The following ZNG1B variants were observed in gnomAD, a reference collection of about 807,000 sequenced individuals.
ZNG1B encodes the protein zinc-regulated GTPase metalloprotein activator 1B.
chr2:113,462,693 A>G, the ZNG1B span: 9 of 626,368 alleles, frequency 1.4e-5, no homozygotes, highest in Non-Finnish European at 2.2e-5. Flanking sequence ...TGCTTGCAGA[A>G]TATAGTTCAC....
the ZNG1B span, among the ~76,000 whole-genome samples, chr2:113,475,850 A>G: frequency 4.6e-5 from 7 of 152,170 alleles, no homozygotes; most frequent in Non-Finnish European, 8.8e-5. Flanking sequence ...AGTTTCTGCC[A>G]AGAGATCCGC....
chr2:113,488,947 G>T, the ZNG1B span, among the ~76,000 whole-genome samples: 1 of 147,440 alleles, frequency 6.8e-6, no homozygotes, highest in African/African-American at 2.5e-5. Flanking sequence ...ACATATTTGG[G>T]GGAATAATTG....
chr2:113,462,435 C>T, the ZNG1B span: 7 of 1,599,006 alleles, frequency 4.4e-6, no homozygotes, highest in Middle Eastern at 3.3e-4. Flanking sequence ...ATGCCATTCT[C>T]ATTAATAAAA....
chr2:113,495,392 G>A, the ZNG1B span: 10 of 868,998 alleles, frequency 1.2e-5, 1 homozygote, highest in Admixed American at 1.4e-4. Flanking sequence ...TCTTTATCAC[G>A]TTACAACGTT....
the ZNG1B span, among the ~76,000 whole-genome samples, chr2:113,451,990 C>A: frequency 2.6e-5 from 4 of 151,794 alleles, no homozygotes; most frequent in African/African-American, 9.7e-5. Context: ...TAATTAAAAT[C>A]ATGTTTTAGC....
the ZNG1B span, among the ~76,000 whole-genome samples, chr2:113,478,644 G>GTT: frequency 1.8e-4 from 26 of 143,424 alleles, no homozygotes; most frequent in East Asian, 9.9e-4. Flanking sequence ...CTTTCAACTA[G>GTT]TTTTTTTTTT....
chr2:113,465,448 G>A, the ZNG1B span, among the ~76,000 whole-genome samples: 1 of 151,920 alleles, frequency 6.6e-6, no homozygotes, highest in Non-Finnish European at 1.5e-5. Flanking sequence ...CCAAACACTC[G>A]AGAGGGTAAC....
At chr2:113,474,107 T>C in the ZNG1B span, among the ~76,000 whole-genome samples, 93 of 151,994 alleles carry the variant, frequency 6.1e-4, no homozygotes, top group Middle Eastern at 3.4e-3. Flanking sequence ...GCTGTGAATC[T>C]ATCTGGTCCT....
At chr2:113,487,698 T>G in the ZNG1B span, among the ~76,000 whole-genome samples, 2 of 144,858 alleles carry the variant, frequency 1.4e-5, no homozygotes, top group South Asian at 2.1e-4. Flanking sequence ...TGTTGTAGTA[T>G]ATGACGGGAT....
chr2:113,441,232 C>T, the ZNG1B span: 9 of 1,413,502 alleles, frequency 6.4e-6, no homozygotes, highest in African/African-American at 1.3e-4. Context: ...ATATTCTATA[C>T]TAAAATAATA....
the ZNG1B span, among the ~76,000 whole-genome samples, chr2:113,474,398 C>G: frequency 1.3e-5 from 2 of 149,790 alleles, no homozygotes; most frequent in Non-Finnish European, 3.0e-5. Context: ...ATTAGTCTTG[C>G]TAGCGGTCTA....
At chr2:113,466,222 TA>T in the ZNG1B span, 1 of 926,728 alleles carries the variant, frequency 1.1e-6, no homozygotes, top group African/African-American at 2.0e-5. Context: ...CCTTTCTCCT[TA>T]ATTTTTCTCC....
the ZNG1B span, among the ~76,000 whole-genome samples, chr2:113,454,107 A>G: frequency 6.6e-6 from 1 of 152,112 alleles, no homozygotes; most frequent in Non-Finnish European, 1.5e-5. Flanking sequence ...GCTGGGCCCC[A>G]TCATTGAGCT....
At chr2:113,490,082 A>T in the ZNG1B span, among the ~76,000 whole-genome samples, 31,870 of 148,004 alleles carry the variant, frequency 0.22, 3,784 homozygotes, top group East Asian at 0.51. Flanking sequence ...CAGCACATGA[A>T]CTTTCTGTAA....
the ZNG1B span, chr2:113,453,149 T>A: frequency 1.3e-6 from 2 of 1,591,136 alleles, no homozygotes; most frequent in South Asian, 1.2e-5. Context: ...GTGCAGTGGC[T>A]TCTATGTTTT....
the ZNG1B span, chr2:113,445,120 G>C: frequency 1.3e-6 from 2 of 1,580,398 alleles, no homozygotes; most frequent in Non-Finnish European, 1.7e-6. Context: ...AGATGTATTA[G>C]AGGAATATCT....
At chr2:113,495,900 G>A in the ZNG1B span, 1 of 839,014 alleles carries the variant, frequency 1.2e-6, no homozygotes, top group East Asian at 4.2e-5. Flanking sequence ...AATCGGTACT[G>A]TAAAACATTT....
At chr2:113,462,712 G>A in the ZNG1B span, 10 of 576,692 alleles carry the variant, frequency 1.7e-5, no homozygotes, top group African/African-American at 5.7e-5. Context: ...ACAGTTAATA[G>A]ACTGATATTC....
At chr2:113,494,969 C>G in the ZNG1B span, 1 of 871,670 alleles carries the variant, frequency 1.1e-6, no homozygotes, top group African/African-American at 2.1e-5. Context: ...TTGTAATTCA[C>G]AAATAATTGG....
Sources: allele counts gnomAD v4.1 joint callset (sites outside exome capture counted in the v4.1 genomes callset), GRCh38; gene constraint gnomAD v4.1.1; transcripts MANE v1.5; gene names NCBI Gene and HGNC (gene_info 2026-07-23, HGNC 2026-07-21).